SUMF1: variants seen among roughly 807,000 people sequenced by gnomAD.
SUMF1 encodes the protein sulfatase modifying factor 1.
SUMF1 carries 48 observed loss-of-function variants against 47.6 expected under a neutral mutation model. That is an observed-to-expected ratio of 1.01 (90% CI 0.80 to 1.28). The LOEUF (loss-of-function observed/expected upper bound fraction) is 1.28. SUMF1 is among the 50% of genes most tolerant of loss of function. SUMF1 has a pLI of 0.00. For synonymous variants in SUMF1, 230 were observed against 192.1 expected (o/e 1.20, Z -1.63); for missense variants, 571 against 485.4 (o/e 1.18, Z -1.66).
At chr3:4,207,909 C>G (rs756418012) in intron 8 of SUMF1, among the ~76,000 whole-genome samples, 10 of 152,042 alleles carry the variant, frequency 6.6e-5, no homozygotes, top group Non-Finnish European at 1.5e-4. Context: ...AGCGTGAACA[C>G]GTCTGAGAGT....
chr3:4,144,558 A>C (rs1694150791), intron 8 of SUMF1, among the ~76,000 whole-genome samples: 1 of 152,122 alleles, frequency 6.6e-6, no homozygotes, highest in South Asian at 2.1e-4. Flanking sequence ...ATGCCTTATT[A>C]TTAGGAATAC....
chr3:4,358,096 C>T (rs1699662312), downstream of SUMF1, among the ~76,000 whole-genome samples: 1 of 152,092 alleles, frequency 6.6e-6, no homozygotes, highest in South Asian at 2.1e-4. Flanking sequence ...AGCATCTATG[C>T]AGCCCATTTT....
chr3:4,178,686 G>A (rs1387128236), intron 8 of SUMF1, among the ~76,000 whole-genome samples: 1 of 152,122 alleles, frequency 6.6e-6, no homozygotes, highest in Non-Finnish European at 1.5e-5. Context: ...GGAAGTTCTG[G>A]CCAGGGCAAT....
At chr3:4,307,522 G>C (rs552547041) in intron 8 of SUMF1, among the ~76,000 whole-genome samples, 1 of 152,310 alleles carries the variant, frequency 6.6e-6, no homozygotes, top group East Asian at 1.9e-4. Flanking sequence ...AGAGAAGAAA[G>C]AAATTGTTGC....
chr3:4,397,612 C>T (rs929400272), intron 7 of SUMF1, among the ~76,000 whole-genome samples: 7 of 152,090 alleles, frequency 4.6e-5, no homozygotes, highest in African/African-American at 7.2e-5. Context: ...TTTATTTGGA[C>T]GTTTTGAAAG....
intron 3 of SUMF1, among the ~76,000 whole-genome samples, chr3:4,429,148 A>G (rs1403378338): frequency 6.6e-6 from 1 of 152,228 alleles, no homozygotes. Context: ...CTAAATTTCC[A>G]CAAGTAGCAT....
chr3:4,214,529 G>A (rs752469730), intron 8 of SUMF1, among the ~76,000 whole-genome samples: 4 of 151,910 alleles, frequency 2.6e-5, no homozygotes, highest in Non-Finnish European at 5.9e-5. Context: ...ATTCAAAAGC[G>A]AGCAGAAGAC....
At chr3:4,353,537 T>C (rs1245174834) in intron 8 of SUMF1, among the ~76,000 whole-genome samples, 2 of 152,092 alleles carry the variant, frequency 1.3e-5, no homozygotes, top group East Asian at 1.9e-4. Context: ...CAGGCGTGAG[T>C]CACTGCGCCC....
At chr3:4,343,137 G>A (rs754711838) in intron 8 of SUMF1, among the ~76,000 whole-genome samples, 1 of 152,214 alleles carries the variant, frequency 6.6e-6, no homozygotes, top group South Asian at 2.1e-4. Context: ...GACCAGCTCT[G>A]AGGACTATAA....
chr3:4,045,375 A>ACCATCCAC (rs1466092280), intron 9 of SUMF1, among the ~76,000 whole-genome samples: 1 of 151,344 alleles, frequency 6.6e-6, no homozygotes, highest in Non-Finnish European at 1.5e-5. Context: ...TCTATGTCCA[A>ACCATCCAC]CCATCCACCC....
At chr3:4,076,010 C>A (rs1487053926) in intron 8 of SUMF1, among the ~76,000 whole-genome samples, 3 of 152,016 alleles carry the variant, frequency 2.0e-5, no homozygotes, top group Non-Finnish European at 2.9e-5. Flanking sequence ...CACATGGAAC[C>A]AAAAAACAGC....
intron 9 of SUMF1, among the ~76,000 whole-genome samples, chr3:4,039,209 A>ATTTTTTTTTTTTTT (rs775459424): frequency 2.0e-4 from 8 of 39,496 alleles, no homozygotes; most frequent in Admixed American, 4.6e-4. Context: ...ATCTATGCAA[A>ATTTTTTTTTTTTTT]TTTTTTTTTT....
At chr3:4,354,959 G>A (rs1699585677) in intron 8 of SUMF1, among the ~76,000 whole-genome samples, 1 of 152,196 alleles carries the variant, frequency 6.6e-6, no homozygotes, top group Non-Finnish European at 1.5e-5. Flanking sequence ...GACATTGCTT[G>A]CCTTACAGTG....
chr3:4,240,750 C>T, intron 8 of SUMF1, among the ~76,000 whole-genome samples: 1 of 151,478 alleles, frequency 6.6e-6, no homozygotes, highest in East Asian at 1.9e-4. Flanking sequence ...TTTTACTTTC[C>T]TGGAAGAAAT....
intron 8 of SUMF1, among the ~76,000 whole-genome samples, chr3:4,146,635 AGTAACTC>A (rs1024896124): frequency 7.9e-5 from 12 of 151,908 alleles, no homozygotes; most frequent in African/African-American, 2.7e-4. Context: ...TGCTGCACCC[AGTAACTC>A]GTCATTTAAC....
chr3:4,313,650 T>C (rs1306352214), intron 8 of SUMF1: 2 of 1,613,992 alleles, frequency 1.2e-6, no homozygotes, highest in African/African-American at 2.7e-5. Context: ...TTGACAGTTC[T>C]CTGTACTGCC....
chr3:4,111,002 AAG>A lies in SUMF1; in HGVS notation c.1015-42259_1015-42258del, dbSNP rs368262315. ...ATAACTTAAAGTATAATAATAAAAA[AAG>A]AAACTTACAATCATAGCAAAAAAAA... On this transcript the variant is annotated intron_variant and NMD_transcript_variant, in intron 8 of 12. Transcript: ENST00000448413. Among the ~76,000 whole-genome samples, 103 of 150,176 alleles carry A rather than the reference AAG, an allele frequency of 6.9e-4. 2 individuals are homozygous for A. Among genetic ancestry groups the A allele is most frequent in the African/African-American group, 2.3e-3 (95 of 41,132 alleles).
At chr3:4,240,987 T>C (rs1043597332) in intron 8 of SUMF1, among the ~76,000 whole-genome samples, 1 of 152,072 alleles carries the variant, frequency 6.6e-6, no homozygotes, top group Non-Finnish European at 1.5e-5. Flanking sequence ...CCTTTCCTAA[T>C]ATTATGAAGT....
chr3:4,106,170 G>C (rs1440373494), intron 8 of SUMF1, among the ~76,000 whole-genome samples: 1 of 151,918 alleles, frequency 6.6e-6, no homozygotes, highest in East Asian at 1.9e-4. Context: ...GCATTGCTGG[G>C]CCATAAAAAA....
Sources: gnomAD v4.1 joint callset for allele counts (sites outside exome capture counted in the v4.1 genomes callset) on GRCh38, gnomAD v4.1.1 for gene constraint, MANE v1.5 for transcripts, NCBI Gene and HGNC (gene_info 2026-07-23, HGNC 2026-07-21) for gene names.